Variants in TNFRSF11A observed in about 807,000 individuals in gnomAD.
TNFRSF11A encodes the protein TNF receptor superfamily member 11a.
A neutral mutation model predicts 55.7 loss-of-function variants in TNFRSF11A; 32 were observed. The observed-to-expected ratio is 0.57, with a 90% confidence interval of 0.43 to 0.77. TNFRSF11A has a LOEUF of 0.77. Among genes scored for constraint, TNFRSF11A ranks in the 30% least tolerant of loss-of-function variants. The pLI is 0.00. For synonymous variants in TNFRSF11A, 311 were observed against 331.0 expected, an observed-to-expected ratio of 0.94 and a Z score of 0.65; for missense variants, 753 against 809.8, an observed-to-expected ratio of 0.93 and a Z score of 0.85.
At chr18:62,382,949 C>A (rs1283395732) in intron 9 of TNFRSF11A, among the ~76,000 whole-genome samples, 1 of 152,116 alleles carries the variant, frequency 6.6e-6, no homozygotes, top group African/African-American at 2.4e-5. Flanking sequence ...TATCTGGTGA[C>A]AACAGACTTG....
At position 62,386,671 on chromosome 18, in the gene TNFRSF11A, A is replaced by G. The variant is rs376200143; in HGVS notation, c.*1637A>G. On this transcript the variant is annotated 3_prime_UTR_variant, in exon 10 of 10. Coordinates refer to ENST00000586569, the MANE Select transcript of TNFRSF11A (RefSeq NM_003839.4). The stretch of plus-strand genomic sequence containing the variant: ...AGTCACTGCCCAGACTTTACTGGCC[A>G]CAAATGCCCAGCTGAAGAGCATGAC... The G allele has an allele frequency of 6.6e-6, 1 of 152,258 alleles. No homozygotes were observed. Among genetic ancestry groups the G allele is most frequent in the Non-Finnish European group, 1.5e-5 (1 of 68,054 alleles). 9.4% of individuals were successfully genotyped at this position (152,258 alleles called of 1,614,324 possible). A position where few individuals can be genotyped will look rare whatever the true frequency, so the allele number is the denominator to read the frequency against.
At chr18:62,366,089 A>T (rs540757046) in intron 7 of TNFRSF11A, among the ~76,000 whole-genome samples, 1 of 152,196 alleles carries the variant, frequency 6.6e-6, no homozygotes, top group Non-Finnish European at 1.5e-5. Flanking sequence ...AAGTGCTGGC[A>T]TTACAGGTGT....
intron 1 of TNFRSF11A, among the ~76,000 whole-genome samples, chr18:62,326,132 C>T (rs1244647800): frequency 6.6e-6 from 1 of 152,248 alleles, no homozygotes; most frequent in Non-Finnish European, 1.5e-5. Context: ...GGGAAGCACA[C>T]CCAGCACAAC....
At position 62,385,084 on chromosome 18, in the gene TNFRSF11A, G is replaced by T. The variant is rs1911623373; in HGVS notation, c.*50G>T. ...AAGCTCGGAGCCAGGGCTCGCGAGG[G>T]CAGCACCGCAGCCTCTGCCCCAGCC... On this transcript the variant is annotated 3_prime_UTR_variant, in exon 10 of 10. Transcript: ENST00000586569. 1 of 1,409,564 alleles carries T rather than the reference G, an allele frequency of 7.1e-7. No homozygotes were observed. Among genetic ancestry groups the T allele is most frequent in the East Asian group, 2.9e-5 (1 of 34,774 alleles). The allele number at this position is 1,409,564 out of a possible 1,614,324, so 87.3% of individuals were successfully genotyped here.
At chr18:62,384,476 C>T (rs570767755) in intron 9 of TNFRSF11A, among the ~76,000 whole-genome samples, 152 of 148,470 alleles carry the variant, frequency 1.0e-3, no homozygotes, top group African/African-American at 3.7e-3. Flanking sequence ...CTCTCCTCCC[C>T]CTTCCCCCCT....
At position 62,354,550 on chromosome 18, in the gene TNFRSF11A, G is replaced by A; in HGVS notation, c.427+16G>A. 1 of 1,602,136 alleles carries A rather than the reference G, an allele frequency of 6.2e-7. No individual in the cohort carries two copies. On this transcript the variant is annotated intron_variant, in intron 4 of 9. Coordinates refer to ENST00000586569, the MANE Select transcript of TNFRSF11A (RefSeq NM_003839.4). ...CAGCACCCGTGTACGGGTTGGATGT[G>A]TGCGTCTGTCGGCTCTTGCTGAGCC...
chr18:62,353,536 A>G (rs369938761), intron 3 of TNFRSF11A, among the ~76,000 whole-genome samples: 26 of 152,218 alleles, frequency 1.7e-4, no homozygotes, highest in African/African-American at 5.5e-4. Context: ...GCAACTCAAA[A>G]TGTACACGGT....
At chr18:62,328,160 AAG>A (rs1568469066) in intron 1 of TNFRSF11A, among the ~76,000 whole-genome samples, 2 of 152,138 alleles carry the variant, frequency 1.3e-5, no homozygotes, top group African/African-American at 4.8e-5. Flanking sequence ...CTGTGATGAT[AAG>A]AGAGCAGCAA....
At chr18:62,331,845 C>T (rs997858064) in intron 1 of TNFRSF11A, among the ~76,000 whole-genome samples, 1 of 152,230 alleles carries the variant, frequency 6.6e-6, no homozygotes, top group Admixed American at 6.5e-5. Flanking sequence ...GTGTCCAGTG[C>T]CTCTTAGACT....
At chr18:62,348,098 T>G in intron 1 of TNFRSF11A, 70 bp from the exon 2 acceptor site, 2 of 1,254,166 alleles carry the variant, frequency 1.6e-6, no homozygotes, top group Non-Finnish European at 2.3e-6. Flanking sequence ...GTGATTCCCT[T>G]TTTGTTTTAC....
chr18:62,330,453 C>T (rs2046135432), intron 1 of TNFRSF11A, among the ~76,000 whole-genome samples: 1 of 152,044 alleles, frequency 6.6e-6, no homozygotes, highest in Non-Finnish European at 1.5e-5. Flanking sequence ...TTGCAGGGAA[C>T]CGAAGGAAGG....
chr18:62,359,217 C>T (rs890490854), intron 5 of TNFRSF11A, among the ~76,000 whole-genome samples: 4 of 152,090 alleles, frequency 2.6e-5, no homozygotes, highest in Non-Finnish European at 5.9e-5. Context: ...AAGACCCCAT[C>T]TCACATTTTT....
intron 1 of TNFRSF11A, chr18:62,336,258 T>TAA (rs2046231139): frequency 6.6e-6 from 1 of 152,240 alleles, no homozygotes; most frequent in Non-Finnish European, 1.5e-5. Context: ...GAATGTAGTC[T>TAA]CAGGCTCTGT....
At chr18:62,371,764 T>A (rs1014365374) in intron 9 of TNFRSF11A, among the ~76,000 whole-genome samples, 8 of 152,232 alleles carry the variant, frequency 5.3e-5, no homozygotes, top group Non-Finnish European at 1.2e-4. Flanking sequence ...TAGTACTTTC[T>A]CATTCTTGCT....
At chr18:62,349,692 C>CA in intron 2 of TNFRSF11A, 120 bp from the exon 3 acceptor site, 1 of 1,165,642 alleles carries the variant, frequency 8.6e-7, no homozygotes, top group Non-Finnish European at 1.3e-6. Flanking sequence ...GTCCTGGGAT[C>CA]ATGGGCACCA....
intron 7 of TNFRSF11A, among the ~76,000 whole-genome samples, chr18:62,362,907 G>C (rs1294822044): frequency 6.6e-6 from 1 of 152,030 alleles, no homozygotes; most frequent in Non-Finnish European, 1.5e-5. Flanking sequence ...GTAGTGGCAC[G>C]ATCTCGACTC....
At chr18:62,338,365 C>T (rs902485826) in intron 1 of TNFRSF11A, among the ~76,000 whole-genome samples, 2 of 152,146 alleles carry the variant, frequency 1.3e-5, no homozygotes, top group African/African-American at 4.8e-5. Context: ...TACTTGTGTG[C>T]CAGTGTTCAT....
At chr18:62,346,101 A>C (rs2046379654) in intron 1 of TNFRSF11A, among the ~76,000 whole-genome samples, 1 of 152,202 alleles carries the variant, frequency 6.6e-6, no homozygotes, top group East Asian at 1.9e-4. Context: ...TCCCCTAAAA[A>C]GTACCTTTCT....
rs1568502539 is a variant in TNFRSF11A at position 62,387,164 on chromosome 18, T to C, written c.*2130T>C. On this transcript the variant is annotated 3_prime_UTR_variant, in exon 10 of 10. Transcript: ENST00000586569. ...GTTAAAGTACCTTGAGATCCTTAAA[T>C]CAAAGGTGCTATATACATAAGTAAG... 1 of 152,194 alleles carries C rather than the reference T, an allele frequency of 6.6e-6. No homozygotes were observed. The highest frequency in any genetic ancestry group is 6.5e-5 in the Admixed American group (1 of 15,286). 9.4% of individuals were successfully genotyped at this position (152,194 alleles called of 1,614,324 possible). A position where few individuals can be genotyped will look rare whatever the true frequency, so the allele number is the denominator to read the frequency against.
Sources: gnomAD v4.1 joint callset for allele counts (sites outside exome capture counted in the v4.1 genomes callset) on GRCh38, gnomAD v4.1.1 for gene constraint, MANE v1.5 for transcripts, NCBI Gene and HGNC (gene_info 2026-07-23, HGNC 2026-07-21) for gene names.